Variants in TARM1 observed in about 807,000 individuals in gnomAD.
TARM1 encodes T cell-interacting, activating receptor on myeloid cells 1, also known as T-cell-interacting, activating receptor on myeloid cells protein 1.
Under a neutral mutation model 30.4 loss-of-function variants are expected in TARM1, and 24 were observed. The ratio of observed to expected loss-of-function variants is 0.79; its 90% CI spans 0.57 to 1.11. TARM1 has a LOEUF of 1.11. TARM1 is among the 50% of genes least tolerant of loss of function. TARM1 has a pLI of 0.00. For synonymous variants in TARM1, 129 were observed against 138.9 expected, an observed-to-expected ratio of 0.93 and a Z score of 0.50; for missense variants, 323 against 332.8, an observed-to-expected ratio of 0.97 and a Z score of 0.23.
At chr19:54,076,327 T>TCATTCA in intron 1 of TARM1, 1 of 353,872 alleles carries the variant, frequency 2.8e-6, no homozygotes, top group South Asian at 2.9e-5. Flanking sequence ...TTTCTTTCTT[T>TCATTCA]TTCTTTCTTT....
At chr19:54,072,063 C>T (rs916648561) in intron 4 of TARM1, among the ~76,000 whole-genome samples, 3 of 151,886 alleles carry the variant, frequency 2.0e-5, no homozygotes, top group Non-Finnish European at 4.4e-5. Context: ...GGGTGGCACA[C>T]ATATAGTCCC....
intron 4 of TARM1, 109 bp from the exon 5 acceptor site, chr19:54,070,269 G>GTT (rs1298622508): frequency 3.1e-4 from 371 of 1,191,006 alleles, no homozygotes; most frequent in South Asian, 6.1e-4. Context: ...CGGTTTTTTG[G>GTT]TTTTTTTTTT....
chr19:54,076,088 C>G, intron 1 of TARM1, 170 bp from the exon 2 acceptor site: 3 of 1,456,690 alleles, frequency 2.1e-6, no homozygotes, highest in Non-Finnish European at 2.7e-6. Context: ...TGCTCGACTT[C>G]CAGCTCCTCC....
At chr19:54,073,342 G>C (rs1417463384) in intron 4 of TARM1, among the ~76,000 whole-genome samples, 1 of 145,656 alleles carries the variant, frequency 6.9e-6, no homozygotes, top group Non-Finnish European at 1.5e-5. Flanking sequence ...CTGGAAGGTG[G>C]AGGTTGCAGT....
intron 1 of TARM1, among the ~76,000 whole-genome samples, chr19:54,077,833 C>T (rs1237444711): frequency 4.0e-5 from 6 of 148,524 alleles, no homozygotes; most frequent in African/African-American, 7.5e-5. Context: ...ACCTCCGCCT[C>T]GCGGGTTCAA....
chr19:54,073,799 G>A, intron 4 of TARM1, 121 bp downstream of exon 4: 1 of 1,297,218 alleles, frequency 7.7e-7, no homozygotes. Context: ...GGCCAGAAAG[G>A]GAAGATTTTG....
At chr19:54,076,240 T>TTTC in intron 1 of TARM1, 2 of 1,508,452 alleles carry the variant, frequency 1.3e-6, no homozygotes, top group Non-Finnish European at 1.8e-6. Context: ...TCTTTCTTTT[T>TTTC]CTTTCCTTTC....
In TARM1 at chr19:54,074,068, C is replaced by T. The variant is rs2071880493; in HGVS notation, c.510G>A (p.Gln170=). Residue 170 remains glutamine, a synonymous_variant, in exon 4 of 5, where the codon CAG becomes CAA. Transcript: ENST00000432826. The stretch of plus-strand genomic sequence containing the variant: ...TCTCCTTCCCCGCTGGACTCTGCAG[C>T]TGGATGGGTGATGGCGTCCCTGCCT... ...LLKAGTPSPI[Q]LQSPAGKEID... is the part of the protein sequence containing the mutation. 6.4e-7 allele frequency: 1 copy of T among 1,551,710 alleles called. No individual in the cohort carries two copies. The highest frequency in any genetic ancestry group is 1.2e-5 in the South Asian group (1 of 84,066).
chr19:54,069,943 CT>C lies in TARM1; in HGVS notation c.*59del. On this transcript the variant is annotated 3_prime_UTR_variant, in exon 5 of 5. Transcript: ENST00000432826. ...CTGTGACTTAGAAAGCCTCAACCCC[CT>C]GGGAATGCAGTCCAGCAGGTTGCAG... is the stretch of plus-strand genomic sequence containing the variant. 2 of 1,354,684 alleles carry C rather than the reference CT, an allele frequency of 1.5e-6. No homozygotes were observed. The highest frequency in any genetic ancestry group is 2.9e-5 in the African/African-American group (2 of 69,194). 83.9% of individuals were successfully genotyped at this position (1,354,684 alleles called of 1,614,324 possible).
chr19:54,074,828 C>G lies in TARM1; in HGVS notation c.357G>C (p.Val119=), dbSNP rs1258436287. The G allele has an allele frequency of 1.9e-6, 3 of 1,551,276 alleles. No homozygotes were observed. Among genetic ancestry groups the G allele is most frequent in the Non-Finnish European group, 2.6e-6 (3 of 1,146,726 alleles). ...SQHSDVLLLL[V]TGHLSKPFLR... ...TGGCAGGCACCCTGTCTGTACCTGT[C>G]ACCAACAGTAGAAGGACGTCACTGT... The change falls in exon 3 of 5, where the codon GTG becomes GTC. Residue 119 remains valine (V), a synonymous_variant. Transcript: ENST00000432826.
chr19:54,079,579 C>T (rs2072044843), intron 1 of TARM1, among the ~76,000 whole-genome samples: 1 of 152,166 alleles, frequency 6.6e-6, no homozygotes, highest in Admixed American at 6.5e-5. Context: ...AGAGCCACCA[C>T]AGTGGCTCAC....
rs1160820372 is a variant in TARM1, at chr19:54,076,345, T to TCATTCATTCTTTCTTC, written c.35-428_35-427insGAAGAAAGAATGAATG. On this transcript the variant is annotated intron_variant, in intron 1 of 4. Coordinates refer to ENST00000432826, the MANE Select transcript of TARM1 (RefSeq NM_001135686.3). ...CTTTCTTTTTCTTTCTTTCTTTCTT[T>TCATTCATTCTTTCTTC]CTTTCATTCATTCTTTCTTTCTTTC... is the stretch of plus-strand genomic sequence containing the variant. 4.6e-5 allele frequency: 39 copies of TCATTCATTCTTTCTTC among 856,018 alleles called. 1 individual carries two copies. Among genetic ancestry groups the TCATTCATTCTTTCTTC allele is most frequent in the Non-Finnish European group, 5.9e-5 (34 of 574,006 alleles). The allele number at this position is 856,018 out of a possible 1,614,324, so 53.0% of individuals were successfully genotyped here.
In TARM1 at chr19:54,080,468, A is replaced by AAG. The variant is rs2072095619; in HGVS notation, c.34+838_34+839insCT. 7.2e-5 allele frequency among the ~76,000 whole-genome samples: 8 copies of AAG among 110,966 alleles called. 1 individual carries two copies. The highest frequency in any genetic ancestry group is 3.1e-4 in the Admixed American group (3 of 9,768). 72.8% of individuals were successfully genotyped at this position (110,966 alleles called of 152,430 possible). A position where few individuals can be genotyped will look rare whatever the true frequency, so the allele number is the denominator to read the frequency against. On this transcript the variant is annotated intron_variant, in intron 1 of 4. Transcript: ENST00000432826. The stretch of plus-strand genomic sequence containing the variant: ...GCGAGACTCCATCTCAAAAAAAAAA[A>AAG]AAAGAAAGAGAGAGAGAGGAAGGAA...
intron 1 of TARM1, among the ~76,000 whole-genome samples, chr19:54,076,770 C>T (rs1308716267): frequency 2.0e-5 from 3 of 151,996 alleles, no homozygotes; most frequent in Non-Finnish European, 4.4e-5. Flanking sequence ...TGTAGCCTCC[C>T]AGGCTCAAGT....
At chr19:54,080,085 GAGAA>G (rs370742485) in intron 1 of TARM1, among the ~76,000 whole-genome samples, 4 of 73,530 alleles carry the variant, frequency 5.4e-5, no homozygotes, top group Non-Finnish European at 9.7e-5. Context: ...GAAGGAGAAA[GAGAA>G]AGAAAGGAAG....
chr19:54,073,821 G>T, intron 4 of TARM1, 99 bp downstream of exon 4: 1 of 1,388,798 alleles, frequency 7.2e-7, no homozygotes, highest in African/African-American at 1.4e-5. Context: ...TAAGAGCGAT[G>T]ATATTGTAAG....
intron 4 of TARM1, among the ~76,000 whole-genome samples, chr19:54,072,751 C>T (rs8102127): frequency 0.7 from 106,822 of 151,558 alleles, 37,841 homozygotes; most frequent in East Asian, 0.88. Flanking sequence ...CCGAGGTGAG[C>T]GGATCACCTG....
In TARM1 at chr19:54,075,915, AG is replaced by A; in HGVS notation, c.37del (p.Leu13CysfsTer33). ...PKLLSLLCFRLCVGQGDTRGD... is the reference protein window; with the variant it reads ...PKLLSLLCFRXCVGQGDTRGD... ...CCTTGTGTCTCCTTGGCCCACGCAC[AG>A]TCCTGCAAGACAATCCTCCGTGAGC... On this transcript the variant is annotated frameshift_variant and splice_region_variant, in exon 2 of 5. Coordinates refer to ENST00000432826, the MANE Select transcript of TARM1 (RefSeq NM_001135686.3). The A allele has an allele frequency of 6.4e-7, 1 of 1,551,268 alleles. No homozygotes were observed. The highest frequency in any genetic ancestry group is 8.7e-7 in the Non-Finnish European group (1 of 1,146,978).
At chr19:54,077,108 C>T (rs1248648242) in intron 1 of TARM1, among the ~76,000 whole-genome samples, 2 of 151,996 alleles carry the variant, frequency 1.3e-5, no homozygotes, top group Non-Finnish European at 2.9e-5. Flanking sequence ...CCATGCCGGG[C>T]GCGGTGGCTC....
Sources: gnomAD v4.1 joint callset for allele counts (sites outside exome capture counted in the v4.1 genomes callset) on GRCh38, gnomAD v4.1.1 for gene constraint, MANE v1.5 for transcripts, NCBI Gene and HGNC (gene_info 2026-07-23, HGNC 2026-07-21) for gene names.